Variants in CDK13 observed in about 807,000 individuals in gnomAD.
The protein encoded by CDK13 is cyclin-dependent kinase 13.
In CDK13, 40 loss-of-function variants were observed where a neutral mutation model predicts 137.6. That is an observed-to-expected ratio of 0.29 (90% CI 0.23 to 0.38). The LOEUF (loss-of-function observed/expected upper bound fraction) is 0.38. CDK13 is among the 10% of genes least tolerant of loss of function. The pLI, the probability that CDK13 is intolerant of heterozygous loss-of-function variation, is 1.00. For missense variants in CDK13, 1,704 were observed against 1,951.8 expected, an observed-to-expected ratio of 0.87 and a Z score of 2.39; for synonymous variants, 869 against 760.1, an observed-to-expected ratio of 1.14 and a Z score of -2.36.
At chr7:40,002,706 T>G (rs1053172633) in intron 5 of CDK13, among the ~76,000 whole-genome samples, 5 of 152,076 alleles carry the variant, frequency 3.3e-5, no homozygotes, top group Admixed American at 2.0e-4. Context: ...CTTTATGAGA[T>G]TTTAGAACCA....
intron 1 of CDK13, among the ~76,000 whole-genome samples, chr7:39,956,594 T>G (rs1418314870): frequency 2.0e-5 from 3 of 152,150 alleles, no homozygotes; most frequent in Non-Finnish European, 4.4e-5. Flanking sequence ...ACCTAAACTT[T>G]TTTTTTTAGG....
chr7:40,034,760 T>A (rs1279768642), intron 5 of CDK13, among the ~76,000 whole-genome samples: 1 of 152,228 alleles, frequency 6.6e-6, no homozygotes, highest in East Asian at 1.9e-4. Flanking sequence ...GTGTATGAGT[T>A]TCCTTTCTTT....
In CDK13 at chr7:40,047,012, C is replaced by CAAA. The variant is rs398040131; in HGVS notation, c.2544-788_2544-786dup. Among the ~76,000 whole-genome samples, 119 of 65,804 alleles carry CAAA rather than the reference C, an allele frequency of 1.8e-3. 2 individuals carry two copies. Among genetic ancestry groups the CAAA allele is most frequent in the Middle Eastern group, 0.011 (1 of 92 alleles). 43.2% of individuals were successfully genotyped at this position (65,804 alleles called of 152,430 possible). On this transcript the variant is annotated intron_variant, in intron 6 of 13. Transcript: ENST00000181839. Reference sequence around the variant, plus strand: ...TGACAAAGCAAGCAAGACTCGGTCTCAAAAAAAAAAAAAAAAAAAAAAATC... The same window carrying CAAA: ...TGACAAAGCAAGCAAGACTCGGTCTCAAAAAAAAAAAAAAAAAAAAAAAAAATC...
rs17496130 is a variant in CDK13 at position 39,951,082 on chromosome 7, G to A, written c.441G>A (p.Glu147=). ...GTGTGACCCCGCTGGTGGAATACGA[G>A]GATGTGAGCTCCCAGTCCGAGCAGG... ...GGGVTPLVEY[E]DVSSQSEQGL... Residue 147 remains glutamate (E), a synonymous_variant, in exon 1 of 14, where the codon GAG becomes GAA. Coordinates refer to ENST00000181839, the MANE Select transcript of CDK13 (RefSeq NM_003718.5). 4,013 of 1,267,976 alleles carry A rather than the reference G, an allele frequency of 3.2e-3. 10 individuals are homozygous for A. Among genetic ancestry groups the A allele is most frequent in the Non-Finnish European group, 3.7e-3 (3,740 of 1,008,438 alleles). 78.5% of individuals were successfully genotyped at this position (1,267,976 alleles called of 1,614,324 possible). A position where few individuals can be genotyped will look rare whatever the true frequency, so the allele number is the denominator to read the frequency against.
intron 11 of CDK13, among the ~76,000 whole-genome samples, chr7:40,084,990 G>A (rs1206856408): frequency 6.6e-6 from 1 of 152,154 alleles, no homozygotes; most frequent in Non-Finnish European, 1.5e-5. Flanking sequence ...TCAGTAACCT[G>A]TACTATTTTA....
At chr7:40,025,216 G>A (rs920817214) in intron 5 of CDK13, among the ~76,000 whole-genome samples, 6 of 152,058 alleles carry the variant, frequency 3.9e-5, no homozygotes, top group African/African-American at 7.2e-5. Context: ...GCATTTTTAA[G>A]CCTATCAAAG....
At position 39,959,604 on chromosome 7, in the gene CDK13, G is replaced by A. The variant is rs188910092; in HGVS notation, c.1211+7752G>A. Among the ~76,000 whole-genome samples, 54 of 152,000 alleles carry A rather than the reference G, an allele frequency of 3.6e-4. No individual in the cohort carries two copies. In the East Asian group the frequency reaches 7.5e-3, roughly 21 times the overall value. ...CTCAGCCTCCCGAGTAGCTGGGATC[G>A]CAGATGCATGCCAGCATGCCCAGTT... On this transcript the variant is annotated intron_variant, in intron 1 of 13. Transcript: ENST00000181839.
At position 39,950,738 on chromosome 7, in the gene CDK13, T is replaced by A; in HGVS notation, c.97T>A (p.Ser33Thr). The change falls in exon 1 of 14, where the codon TCC (serine) becomes ACC (threonine). Residue 33 changes from serine to threonine, a missense_variant. Ser to Thr is a moderately conservative substitution (Grantham distance 58). Transcript: ENST00000181839. Reference protein sequence around the residue: ...EERRKRRRFLSPQQPPLLLPL... With the variant: ...EERRKRRRFLTPQQPPLLLPL... ...ACGCCGCAAGCGGAGGCGATTCCTG[T>A]CCCCTCAGCAGCCGCCGCTGCTGTT... The A allele has an allele frequency of 6.8e-7, 1 of 1,470,018 alleles. No homozygotes were observed. Among genetic ancestry groups the A allele is most frequent in the Non-Finnish European group, 8.9e-7 (1 of 1,118,536 alleles). 91.1% of individuals were successfully genotyped at this position (1,470,018 alleles called of 1,614,324 possible).
At chr7:40,062,948 G>A (rs1562755781) in intron 8 of CDK13, 21 bp downstream of exon 8, 1 of 1,604,642 alleles carries the variant, frequency 6.2e-7, no homozygotes, top group East Asian at 2.2e-5. Context: ...CTTATTTACT[G>A]GTTTATTTTA....
Position 39,950,965 on chromosome 7 carries a change from G to T in CDK13, c.324G>T (p.Gly108=), listed in dbSNP as rs992864222. The change falls in exon 1 of 14, where the codon GGG becomes GGT. Residue 108 remains glycine, a synonymous_variant. Coordinates refer to ENST00000181839, the MANE Select transcript of CDK13 (RefSeq NM_003718.5). ...RAGGRQKRRR[G]PRAGQEAEKR... The stretch of plus-strand genomic sequence containing the variant: ...GAGGGCGGCAGAAGCGGCGTCGCGG[G>T]CCCCGCGCCGGGCAGGAGGCGGAGA... The T allele has an allele frequency of 1.5e-6, 2 of 1,314,500 alleles. No homozygotes were observed. The highest frequency in any genetic ancestry group is 4.5e-5 in the South Asian group (2 of 44,858). The allele number at this position is 1,314,500 out of a possible 1,614,324, so 81.4% of individuals were successfully genotyped here. A position where few individuals can be genotyped will look rare whatever the true frequency, so the allele number is the denominator to read the frequency against.
At chr7:40,020,372 T>C (rs895482276) in intron 5 of CDK13, among the ~76,000 whole-genome samples, 6 of 152,148 alleles carry the variant, frequency 3.9e-5, no homozygotes, top group Non-Finnish European at 7.4e-5. Flanking sequence ...CCGGCCCAAA[T>C]TGTTTTATCG....
intron 1 of CDK13, 101 bp from the exon 2 acceptor site, chr7:39,987,498 A>G (rs1451202905): frequency 3.0e-6 from 3 of 999,848 alleles, no homozygotes; most frequent in African/African-American, 3.4e-5. Context: ...AAATTAAGTA[A>G]ATTTCTATTT....
intron 5 of CDK13, among the ~76,000 whole-genome samples, chr7:40,043,777 G>A (rs1785668458): frequency 6.6e-6 from 1 of 151,620 alleles, no homozygotes. Context: ...ATAGTGAGTT[G>A]TGATGGTGCC....
In CDK13 at chr7:40,022,082, GC is replaced by G. The variant is rs1161328527; in HGVS notation, c.2353+20053del. 1.4e-4 allele frequency among the ~76,000 whole-genome samples: 21 copies of G among 152,312 alleles called. 1 individual carries two copies. The East Asian group carries it at 2.7e-3, about 20-fold the overall frequency. ...GCTCACTATCACTAGTGGCCTTAAG[GC>G]CTGAAATTTGGAATGGAAAAGAGCC... On this transcript the variant is annotated intron_variant, in intron 5 of 13. Transcript: ENST00000181839.
At chr7:40,089,075 A>T (rs929588387) in intron 12 of CDK13, among the ~76,000 whole-genome samples, 5 of 147,884 alleles carry the variant, frequency 3.4e-5, no homozygotes, top group African/African-American at 1.2e-4. Flanking sequence ...GCGAGACTCC[A>T]TCTCAAAATA....
chr7:39,998,773 T>G (rs1238245718), intron 3 of CDK13: 1 of 152,214 alleles, frequency 6.6e-6, no homozygotes, highest in African/African-American at 2.4e-5. Flanking sequence ...TTGTCCTACC[T>G]GTCCATTTGT....
chr7:39,991,774 G>T (rs1261837793), intron 2 of CDK13, among the ~76,000 whole-genome samples: 1 of 152,042 alleles, frequency 6.6e-6, no homozygotes, highest in East Asian at 1.9e-4. Context: ...AGGTGTGGTG[G>T]CTCACAGTTG....
intron 5 of CDK13, among the ~76,000 whole-genome samples, chr7:40,027,093 CA>C (rs1785259142): frequency 6.6e-6 from 1 of 152,120 alleles, no homozygotes. Flanking sequence ...CTTGTAATCC[CA>C]GCATTTTGGG....
chr7:40,001,915 C>T lies in CDK13; in HGVS notation c.2237C>T (p.Pro746Leu). 6.2e-7 allele frequency: 1 copy of T among 1,610,426 alleles called. No individual in the cohort carries two copies. The highest frequency in any genetic ancestry group is 2.2e-5 in the East Asian group (1 of 44,714). Residue 746 changes from proline to leucine, a missense_variant, in exon 5 of 14, where the codon CCA becomes CTA. Transcript: ENST00000181839. ...VRLDNEKEGF[P>L]ITAIREIKIL... ...CTGGATAATGAAAAGGAAGGCTTTCCAATTACAGCAATTCGAGAAATTAAA... is the reference window on the plus strand; with the variant it reads ...CTGGATAATGAAAAGGAAGGCTTTCTAATTACAGCAATTCGAGAAATTAAA...
Sources: gnomAD v4.1 joint callset for allele counts (sites outside exome capture counted in the v4.1 genomes callset) on GRCh38, gnomAD v4.1.1 for gene constraint, MANE v1.5 for transcripts, NCBI Gene and HGNC (gene_info 2026-07-23, HGNC 2026-07-21) for gene names.